The following FCHO2 variants were observed in gnomAD, a reference collection of about 807,000 sequenced individuals.
FCHO2 encodes the protein F-BAR domain only protein 2.
In FCHO2, 43 loss-of-function variants were observed where a neutral mutation model predicts 114.1. The ratio of observed to expected loss-of-function variants is 0.38; its 90% confidence interval spans 0.30 to 0.49. The LOEUF is 0.49. Among genes scored for constraint, FCHO2 ranks in the 20% least tolerant of loss-of-function variants. The pLI, the probability that FCHO2 is intolerant of heterozygous loss-of-function variation, is 0.97. For synonymous variants in FCHO2, 293 were observed against 315.2 expected (o/e 0.93, Z 0.75); for missense variants, 807 against 950.4 (o/e 0.85, Z 1.98).
At chr5:73,022,720 CAAGCTT>C (rs1240897308) in intron 8 of FCHO2, among the ~76,000 whole-genome samples, 2 of 152,174 alleles carry the variant, frequency 1.3e-5, no homozygotes, top group African/African-American at 4.8e-5. Context: ...GCCATATAAA[CAAGCTT>C]AAGCAAAAAT....
At chr5:72,996,751 C>T (rs1580070398) in intron 5 of FCHO2, among the ~76,000 whole-genome samples, 1 of 152,234 alleles carries the variant, frequency 6.6e-6, no homozygotes, top group South Asian at 2.1e-4. Context: ...TCCAAAACCT[C>T]GCCAGGGGTG....
intron 2 of FCHO2, among the ~76,000 whole-genome samples, chr5:72,987,303 G>A (rs1207180383): frequency 6.6e-6 from 1 of 152,084 alleles, no homozygotes; most frequent in Admixed American, 6.5e-5. Flanking sequence ...ATAGATTTTG[G>A]AGCATTTCTG....
Position 73,037,179 on chromosome 5 carries a change from C to T in FCHO2, c.878C>T (p.Pro293Leu). ...AGGAAAAGAAAGACCTTTGCTTTGCCAGGAATCATTAAAAAGGAAAAAGAT... is the reference window on the plus strand; with the variant it reads ...AGGAAAAGAAAGACCTTTGCTTTGCTAGGAATCATTAAAAAGGAAAAAGAT... ...KPRKRKTFAL[P>L]GIIKKEKDAE... Residue 293 changes from proline (P) to leucine (L), a missense_variant, in exon 10 of 26, where the codon CCA becomes CTA. Pro to Leu is a moderately conservative substitution (Grantham distance 98). Coordinates refer to ENST00000430046, the MANE Select transcript of FCHO2 (RefSeq NM_138782.3). 1 of 1,592,338 alleles carries T rather than the reference C, an allele frequency of 6.3e-7. No individual in the cohort carries two copies. Among genetic ancestry groups the T allele is most frequent in the Non-Finnish European group, 8.5e-7 (1 of 1,169,730 alleles).
intron 5 of FCHO2, among the ~76,000 whole-genome samples, chr5:73,001,905 C>CAAA: frequency 1.3e-5 from 1 of 77,112 alleles, no homozygotes; most frequent in Middle Eastern, 9.8e-3. Flanking sequence ...TACCCTGTCT[C>CAAA]AAAAAAAAAA....
intron 11 of FCHO2, among the ~76,000 whole-genome samples, chr5:73,048,520 C>G (rs1757175979): frequency 1.3e-5 from 2 of 152,124 alleles, no homozygotes; most frequent in African/African-American, 4.8e-5. Flanking sequence ...GAAACCGAAC[C>G]TGCAGATATG....
intron 18 of FCHO2, among the ~76,000 whole-genome samples, chr5:73,066,347 A>C (rs1580193568): frequency 2.0e-5 from 3 of 152,004 alleles, no homozygotes; most frequent in Non-Finnish European, 4.4e-5. Context: ...AAATGTTTTC[A>C]GAAATTTATT....
intron 5 of FCHO2, 39 bp from the exon 6 acceptor site, chr5:73,006,406 A>T: frequency 3.2e-6 from 4 of 1,263,864 alleles, no homozygotes; most frequent in Non-Finnish European, 4.2e-6. Context: ...AAAAAAGGTC[A>T]ATGCACAGTT....
At chr5:73,009,563 G>GTCTCACTCTGTCAACCAGGC (rs1250518071) in intron 6 of FCHO2, among the ~76,000 whole-genome samples, 27 of 151,930 alleles carry the variant, frequency 1.8e-4, no homozygotes, top group Non-Finnish European at 3.8e-4. Flanking sequence ...TTGAGACAGG[G>GTCTCACTCTGTCAACCAGGC]TCTCACTCTG....
At chr5:73,014,537 C>T (rs1455760171) in intron 6 of FCHO2, among the ~76,000 whole-genome samples, 1 of 152,016 alleles carries the variant, frequency 6.6e-6, no homozygotes, top group Non-Finnish European at 1.5e-5. Context: ...ATCTGCCCAC[C>T]TCTGCCTCCC....
At chr5:72,983,222 A>G (rs1323455264) in intron 2 of FCHO2, among the ~76,000 whole-genome samples, 1 of 152,030 alleles carries the variant, frequency 6.6e-6, no homozygotes, top group Non-Finnish European at 1.5e-5. Flanking sequence ...CCTTTTTAAA[A>G]TACTTTTAAG....
At chr5:72,969,091 T>C (rs1490539780) in intron 2 of FCHO2, among the ~76,000 whole-genome samples, 3 of 152,222 alleles carry the variant, frequency 2.0e-5, no homozygotes, top group Non-Finnish European at 4.4e-5. Flanking sequence ...AGAATAAATA[T>C]AATTTGATTA....
At chr5:73,002,300 G>A (rs138879656) in intron 5 of FCHO2, among the ~76,000 whole-genome samples, 1,624 of 152,292 alleles carry the variant, frequency 0.011, 17 homozygotes, top group Non-Finnish European at 0.018. Context: ...ATAGGAAGAT[G>A]AAATGATTCA....
At chr5:73,058,385 A>T (rs1214763065) in intron 16 of FCHO2, 48 bp from the exon 17 acceptor site, 1 of 1,270,838 alleles carries the variant, frequency 7.9e-7, no homozygotes, top group East Asian at 2.6e-5. Flanking sequence ...ATTTTATACT[A>T]ATAAAATATT....
intron 24 of FCHO2, among the ~76,000 whole-genome samples, chr5:73,086,285 T>C (rs1228676165): frequency 6.6e-6 from 1 of 152,184 alleles, no homozygotes; most frequent in Non-Finnish European, 1.5e-5. Flanking sequence ...TATCAAGAAT[T>C]GTAAAAGTTT....
At chr5:73,056,893 A>G (rs895001451) in intron 16 of FCHO2, among the ~76,000 whole-genome samples, 16 of 152,076 alleles carry the variant, frequency 1.1e-4, no homozygotes, top group Admixed American at 3.3e-4. Context: ...ATGTTAAGCC[A>G]ATGTTTCATG....
intron 1 of FCHO2, among the ~76,000 whole-genome samples, chr5:72,967,679 G>A (rs1424041523): frequency 1.3e-5 from 2 of 152,158 alleles, no homozygotes; most frequent in Non-Finnish European, 2.9e-5. Context: ...GAGTGCAGTG[G>A]TGTGATTTCA....
At chr5:73,021,208 G>A in intron 8 of FCHO2, 1 of 749,144 alleles carries the variant, frequency 1.3e-6, no homozygotes. Flanking sequence ...TGATTTGACT[G>A]TGGGAAAAAC....
intron 5 of FCHO2, among the ~76,000 whole-genome samples, chr5:73,001,062 T>C (rs909818412): frequency 4.6e-5 from 7 of 152,152 alleles, no homozygotes; most frequent in Non-Finnish European, 8.8e-5. Context: ...TAGTATTGTG[T>C]AGCTGTTTCT....
chr5:72,981,576 T>TAC (rs1203467399), intron 2 of FCHO2, among the ~76,000 whole-genome samples: 1 of 152,242 alleles, frequency 6.6e-6, no homozygotes, highest in Non-Finnish European at 1.5e-5. Context: ...CACTTTCAGG[T>TAC]ACACCAATCA....
Sources: allele counts gnomAD v4.1 joint callset (sites outside exome capture counted in the v4.1 genomes callset), GRCh38; gene constraint gnomAD v4.1.1; transcripts MANE v1.5; gene names NCBI Gene and HGNC (gene_info 2026-07-23, HGNC 2026-07-21).